Variants in ENTPD5 observed in about 807,000 individuals in gnomAD.
The protein encoded by ENTPD5 is nucleoside diphosphate phosphatase ENTPD5.
A neutral mutation model predicts 60.2 loss-of-function variants in ENTPD5; 49 were observed. The ratio of observed to expected loss-of-function variants is 0.81; its 90% confidence interval spans 0.65 to 1.03. ENTPD5 has a LOEUF of 1.03. Among genes scored for constraint, ENTPD5 ranks in the 50% least tolerant of loss-of-function variants. The pLI is 0.00. For synonymous variants in ENTPD5, 187 were observed against 185.4 expected, an observed-to-expected ratio of 1.01 and a Z score of -0.07; for missense variants, 480 against 507.6, an observed-to-expected ratio of 0.95 and a Z score of 0.52.
chr14:73,976,385 GT>G lies in ENTPD5; in HGVS notation c.580del (p.Thr194LeufsTer7). On this transcript the variant is annotated frameshift_variant, in exon 9 of 16. Transcript: ENST00000334696. LOFTEE classifies it high-confidence loss of function. ...TCCCCCTAGGTCCAAGGTCCCCACA[GT>G]CTCCTGTCTGTGGCCATGCAGCTGA... is the stretch of plus-strand genomic sequence containing the variant. Reference protein sequence around the residue: ...TGQLHGHRQETVGTLDLGGAS... With the variant: ...TGQLHGHRQEXVGTLDLGGAS... The G allele has an allele frequency of 6.2e-7, 1 of 1,614,150 alleles. No individual in the cohort carries two copies. Among genetic ancestry groups the G allele is most frequent in the African/African-American group, 1.3e-5 (1 of 75,060 alleles).
At chr14:74,015,633 A>G (rs1033809180) in intron 2 of ENTPD5, among the ~76,000 whole-genome samples, 191 bp downstream of exon 2, 1 of 152,112 alleles carries the variant, frequency 6.6e-6, no homozygotes, top group Non-Finnish European at 1.5e-5. Context: ...GATTACAGGC[A>G]TGAACCACCA....
At chr14:73,962,857 C>T, downstream of ENTPD5, 1 of 926,066 alleles carries the variant, frequency 1.1e-6, no homozygotes, top group Non-Finnish European at 1.7e-6. Context: ...CTTTTTTTAG[C>T]TGAAATAAAA....
At chr14:73,976,747 C>T (rs1185365832) in intron 8 of ENTPD5, among the ~76,000 whole-genome samples, 1 of 152,148 alleles carries the variant, frequency 6.6e-6, no homozygotes, top group East Asian at 1.9e-4. Context: ...GCTGGGACTA[C>T]AGGTACACAC....
At chr14:73,981,082 G>C (rs147326645) in intron 6 of ENTPD5, among the ~76,000 whole-genome samples, 9,447 of 152,058 alleles carry the variant, frequency 0.062, 472 homozygotes, top group South Asian at 0.27. Context: ...CTGGGCGACA[G>C]AGCAAGTCTC....
chr14:74,016,796 A>G (rs2059028992), intron 1 of ENTPD5, among the ~76,000 whole-genome samples: 1 of 152,244 alleles, frequency 6.6e-6, no homozygotes, highest in South Asian at 2.1e-4. Flanking sequence ...TGACTTTCAT[A>G]TTATAAAGTT....
chr14:74,018,479 TTAA>T (rs2059131389), intron 1 of ENTPD5: 1 of 152,204 alleles, frequency 6.6e-6, no homozygotes. Flanking sequence ...CGTACCTTCC[TTAA>T]TGACTCACTG....
intron 3 of ENTPD5, chr14:74,008,868 C>T (rs1055942161): frequency 1.3e-5 from 2 of 152,180 alleles, no homozygotes; most frequent in African/African-American, 4.8e-5. Context: ...AATTCAAATA[C>T]TGTAACTGCC....
intron 3 of ENTPD5, among the ~76,000 whole-genome samples, chr14:73,999,848 G>C (rs1171491315): frequency 6.6e-6 from 1 of 151,558 alleles, no homozygotes; most frequent in Non-Finnish European, 1.5e-5. Context: ...CCAGCACTTG[G>C]GGAGGCCAAG....
chr14:74,009,134 C>T (rs1251668242), intron 3 of ENTPD5: 1 of 151,314 alleles, frequency 6.6e-6, no homozygotes, highest in Non-Finnish European at 1.5e-5. Flanking sequence ...GCTATTGTTG[C>T]CTCTTTTTCT....
At chr14:73,993,959 T>C (rs2058243355) in intron 3 of ENTPD5, among the ~76,000 whole-genome samples, 2 of 151,120 alleles carry the variant, frequency 1.3e-5, no homozygotes, top group African/African-American at 4.9e-5. Flanking sequence ...TGCAGAGTCA[T>C]ACTAGTTGTT....
chr14:73,955,471 A>G, downstream of ENTPD5: 1 of 1,614,154 alleles, frequency 6.2e-7, no homozygotes, highest in Non-Finnish European at 8.5e-7. Flanking sequence ...CTGGGACCAT[A>G]TCTGCAACAT....
intron 3 of ENTPD5, among the ~76,000 whole-genome samples, chr14:73,998,960 T>C (rs1335493601): frequency 6.6e-6 from 1 of 152,122 alleles, no homozygotes; most frequent in African/African-American, 2.4e-5. Flanking sequence ...CTGAAGATAT[T>C]GAACTAGGGA....
chr14:73,961,183 C>G, downstream of ENTPD5: 1 of 1,613,640 alleles, frequency 6.2e-7, no homozygotes, highest in Non-Finnish European at 8.5e-7. Context: ...TGGAGTGATG[C>G]TGACCACACG....
chr14:73,992,255 C>G (rs1002093566), intron 3 of ENTPD5, among the ~76,000 whole-genome samples: 7 of 152,228 alleles, frequency 4.6e-5, no homozygotes, highest in Admixed American at 4.6e-4. Context: ...GTTCCCATTT[C>G]CCAGGCCCTT....
chr14:73,961,298 T>A, downstream of ENTPD5: 1 of 1,614,168 alleles, frequency 6.2e-7, no homozygotes, highest in Non-Finnish European at 8.5e-7. Context: ...CCAGGGTGGA[T>A]GCCAAAAGCC....
At chr14:74,005,122 T>C (rs1445036515) in intron 3 of ENTPD5, among the ~76,000 whole-genome samples, 1 of 151,680 alleles carries the variant, frequency 6.6e-6, no homozygotes, top group Non-Finnish European at 1.5e-5. Flanking sequence ...CCAGGTTAGC[T>C]GGGCATGATG....
chr14:74,006,962 T>C (rs1163268902), intron 3 of ENTPD5, among the ~76,000 whole-genome samples: 1 of 152,156 alleles, frequency 6.6e-6, no homozygotes, highest in East Asian at 1.9e-4. Context: ...TGAAGATACA[T>C]ATCAGTTAAG....
rs184829327 is a variant in ENTPD5 at position 73,987,815 on chromosome 14, A to T, written c.217+71T>A. On this transcript the variant is annotated intron_variant, in intron 4 of 15. Coordinates refer to ENST00000334696, the MANE Select transcript of ENTPD5 (RefSeq NM_001249.5). ...GTAATTCACATAATAAACTCTCAGC[A>T]TATTTGTTTCTGGGAGGAGATGCTA... The T allele has an allele frequency of 3.6e-6, 5 of 1,400,876 alleles. No individual in the cohort carries two copies. The South Asian group carries it at 4.9e-5, about 14-fold the overall frequency. 86.8% of individuals were successfully genotyped at this position (1,400,876 alleles called of 1,614,324 possible). A position where few individuals can be genotyped will look rare whatever the true frequency, so the allele number is the denominator to read the frequency against.
At chr14:73,967,114 G>T in intron 15 of ENTPD5, 100 bp from the exon 16 acceptor site, 2 of 872,574 alleles carry the variant, frequency 2.3e-6, no homozygotes, top group Non-Finnish European at 3.6e-6. Context: ...ATCCACATGG[G>T]CAAACCAAGG....
Sources: gnomAD v4.1 joint callset for allele counts (sites outside exome capture counted in the v4.1 genomes callset) on GRCh38, gnomAD v4.1.1 for gene constraint, MANE v1.5 for transcripts, NCBI Gene and HGNC (gene_info 2026-07-23, HGNC 2026-07-21) for gene names.